Variants in LRRTM4 observed in about 807,000 individuals in gnomAD.
The protein encoded by LRRTM4 is leucine-rich repeat transmembrane neuronal protein 4.
Under a neutral mutation model 47.6 loss-of-function variants are expected in LRRTM4, and 25 were observed. The observed-to-expected ratio is 0.53, with a 90% CI of 0.38 to 0.73. The LOEUF is 0.73. Ranked by LOEUF, LRRTM4 falls within the 30% of genes least tolerant of loss-of-function variation. LRRTM4 has a pLI of 0.00. For missense variants in LRRTM4, 638 were observed against 713.4 expected, an observed-to-expected ratio of 0.89 and a Z score of 1.20; for synonymous variants, 311 against 269.5, an observed-to-expected ratio of 1.15 and a Z score of -1.51.
At chr2:77,277,582 G>A (rs951489879) in intron 3 of LRRTM4, among the ~76,000 whole-genome samples, 15 of 152,012 alleles carry the variant, frequency 9.9e-5, no homozygotes. Context: ...CTCACAGTTT[G>A]ATTATTTGAA....
intron 3 of LRRTM4, among the ~76,000 whole-genome samples, chr2:77,459,503 T>C (rs917978404): frequency 3.3e-5 from 5 of 151,994 alleles, no homozygotes; most frequent in African/African-American, 1.2e-4. Flanking sequence ...TTTAAAAAAT[T>C]AGGAGTTGAT....
At chr2:76,849,066 T>G (rs1671917251) in intron 3 of LRRTM4, among the ~76,000 whole-genome samples, 2 of 152,112 alleles carry the variant, frequency 1.3e-5, no homozygotes, top group Admixed American at 6.6e-5. Context: ...TCAGGTACTC[T>G]TCTTATATTA....
At chr2:76,816,772 A>T (rs921099831) in intron 3 of LRRTM4, among the ~76,000 whole-genome samples, 1 of 139,280 alleles carries the variant, frequency 7.2e-6, no homozygotes, top group African/African-American at 2.6e-5. Context: ...CTTTCTCATG[A>T]CGTGCAAGTG....
At chr2:77,436,592 GC>G (rs1675608564) in intron 3 of LRRTM4, among the ~76,000 whole-genome samples, 2 of 151,922 alleles carry the variant, frequency 1.3e-5, no homozygotes, top group African/African-American at 4.8e-5. Context: ...GAAATAACAT[GC>G]GTTTAAACAA....
intron 3 of LRRTM4, among the ~76,000 whole-genome samples, chr2:77,296,846 G>A (rs1355729357): frequency 6.6e-6 from 1 of 152,170 alleles, no homozygotes; most frequent in Non-Finnish European, 1.5e-5. Context: ...CAGTACTTTG[G>A]TAAAGGAATT....
intron 3 of LRRTM4, among the ~76,000 whole-genome samples, chr2:77,160,683 T>C (rs1275659378): frequency 6.6e-6 from 1 of 152,078 alleles, no homozygotes; most frequent in Non-Finnish European, 1.5e-5. Flanking sequence ...ATAAGAGTAG[T>C]CTTGATCATA....
chr2:77,080,839 G>C (rs769839662), intron 3 of LRRTM4, among the ~76,000 whole-genome samples: 1 of 152,056 alleles, frequency 6.6e-6, no homozygotes, highest in Non-Finnish European at 1.5e-5. Context: ...TTAGCGCCCA[G>C]TTATTTCTCC....
chr2:77,383,562 G>C (rs1331092835), intron 3 of LRRTM4, among the ~76,000 whole-genome samples: 1 of 151,968 alleles, frequency 6.6e-6, no homozygotes, highest in Non-Finnish European at 1.5e-5. Context: ...AATAATTATA[G>C]TTAATACAAA....
chr2:77,378,125 T>C (rs547354180), intron 3 of LRRTM4, among the ~76,000 whole-genome samples: 59 of 151,874 alleles, frequency 3.9e-4, no homozygotes, highest in African/African-American at 1.3e-3. Context: ...CAAGATCTAC[T>C]CTCATTCAAT....
At chr2:77,156,247 A>G (rs1672556008) in intron 3 of LRRTM4, among the ~76,000 whole-genome samples, 1 of 151,936 alleles carries the variant, frequency 6.6e-6, no homozygotes. Context: ...ACTATGAAAT[A>G]ACAGAATAAA....
intron 3 of LRRTM4, among the ~76,000 whole-genome samples, chr2:76,855,547 A>G (rs1310408420): frequency 1.3e-5 from 2 of 152,332 alleles, no homozygotes; most frequent in South Asian, 2.1e-4. Flanking sequence ...ACTTATCCCA[A>G]TCTCTTTCTT....
At chr2:77,079,847 CT>C (rs754308586) in intron 3 of LRRTM4, among the ~76,000 whole-genome samples, 7 of 151,272 alleles carry the variant, frequency 4.6e-5, no homozygotes, top group Non-Finnish European at 8.8e-5. Context: ...TTTTAGTTTT[CT>C]GTATGTTCCA....
chr2:76,988,423 C>G (rs1218359811), intron 3 of LRRTM4, among the ~76,000 whole-genome samples: 3 of 151,788 alleles, frequency 2.0e-5, no homozygotes, highest in East Asian at 1.9e-4. Flanking sequence ...GCTGCTAATT[C>G]AGAGAAATTT....
chr2:76,748,586 A>T lies in LRRTM4; in HGVS notation c.*109T>A. 1 of 875,728 alleles carries T rather than the reference A, an allele frequency of 1.1e-6. No individual in the cohort carries two copies. The highest frequency in any genetic ancestry group is 1.8e-6 in the Non-Finnish European group (1 of 560,206). The allele number at this position is 875,728 out of a possible 1,614,324, so 54.2% of individuals were successfully genotyped here. On this transcript the variant is annotated 3_prime_UTR_variant, in exon 4 of 4. Coordinates refer to ENST00000409884, the MANE Select transcript of LRRTM4 (RefSeq NM_001134745.3). ...TTCTCTATGCCATAAATGTTTTAAC[A>T]GGAACGATGAGCTTGCTCGATTGCG...
intron 3 of LRRTM4, among the ~76,000 whole-genome samples, chr2:77,265,637 A>G (rs1045414513): frequency 1.3e-5 from 2 of 152,148 alleles, no homozygotes; most frequent in Non-Finnish European, 2.9e-5. Flanking sequence ...CAGGACTAAT[A>G]TAGACACTGT....
chr2:76,999,209 G>A (rs1366954547), intron 3 of LRRTM4, among the ~76,000 whole-genome samples: 2 of 152,004 alleles, frequency 1.3e-5, no homozygotes, highest in East Asian at 3.9e-4. Flanking sequence ...CCCAGCTGTA[G>A]GTACCCTGGG....
intron 3 of LRRTM4, among the ~76,000 whole-genome samples, chr2:76,897,041 C>T (rs368645678): frequency 5.1e-4 from 77 of 151,924 alleles, no homozygotes; most frequent in Non-Finnish European, 8.1e-4. Flanking sequence ...CTTTGTAAGA[C>T]GGACACTCGT....
chr2:77,249,382 T>G (rs2104009829), intron 3 of LRRTM4, among the ~76,000 whole-genome samples: 1 of 151,668 alleles, frequency 6.6e-6, no homozygotes, highest in South Asian at 2.1e-4. Flanking sequence ...TGAAATAAAT[T>G]TTTTGGTCCA....
intron 3 of LRRTM4, among the ~76,000 whole-genome samples, chr2:77,485,369 T>C (rs1200527243): frequency 6.6e-6 from 1 of 152,094 alleles, no homozygotes; most frequent in Non-Finnish European, 1.5e-5. Flanking sequence ...TCTTGGTGAT[T>C]TTCCAGGTAG....
Sources: gnomAD v4.1 joint callset for allele counts (sites outside exome capture counted in the v4.1 genomes callset) on GRCh38, gnomAD v4.1.1 for gene constraint, MANE v1.5 for transcripts, NCBI Gene and HGNC (gene_info 2026-07-23, HGNC 2026-07-21) for gene names.